NHSL2: variants seen among roughly 807,000 people sequenced by gnomAD.
The protein encoded by NHSL2 is NHS like 2.
A neutral mutation model predicts 53.4 loss-of-function variants in NHSL2; 27 were observed. The observed-to-expected ratio is 0.51, with a 90% CI of 0.37 to 0.70. NHSL2 has a LOEUF of 0.70. Among genes scored for constraint, NHSL2 ranks in the 30% least tolerant of loss-of-function variants. The probability of loss-of-function intolerance (pLI) is 0.00; values close to 1 mark genes in which losing one functional copy is unlikely to be tolerated. For missense variants in NHSL2, 892 were observed against 980.1 expected (o/e 0.91, Z 1.20); for synonymous variants, 408 against 404.1 (o/e 1.01, Z -0.12).
intron 1 of NHSL2, among the ~76,000 whole-genome samples, chrX:71,921,085 G>A (rs2041655807): frequency 9.1e-6 from 1 of 109,312 alleles, no homozygotes; most frequent in Non-Finnish European, 1.9e-5. Context: ...TTGCAGGCGT[G>A]AGCCACCGTT....
intron 1 of NHSL2, among the ~76,000 whole-genome samples, chrX:72,116,787 A>AGGGGGT (rs71734905): frequency 0.55 from 59,951 of 108,961 alleles, 15,545 homozygotes; most frequent in Non-Finnish European, 0.78. Flanking sequence ...GAGGACAGCT[A>AGGGGGT]GGGGGTGCTC....
At chrX:71,942,339 C>CT (rs2041770216) in intron 1 of NHSL2, among the ~76,000 whole-genome samples, 1 of 111,893 alleles carries the variant, frequency 8.9e-6, no homozygotes, top group Non-Finnish European at 1.9e-5. Flanking sequence ...GGTAAAGATT[C>CT]TTTTTCCCCT....
chrX:72,103,543 T>G (rs777876449), intron 1 of NHSL2, among the ~76,000 whole-genome samples: 1 of 110,774 alleles, frequency 9.0e-6, no homozygotes, highest in Non-Finnish European at 1.9e-5. Flanking sequence ...GCTGGATGAG[T>G]CCCAGGTCCA....
intron 1 of NHSL2, among the ~76,000 whole-genome samples, chrX:71,920,181 G>T (rs751663010): frequency 3.6e-5 from 4 of 112,009 alleles, no homozygotes; most frequent in Non-Finnish European, 7.5e-5. Context: ...GTGTCTACAA[G>T]ATGCCCTGGC....
intron 1 of NHSL2, among the ~76,000 whole-genome samples, chrX:71,973,857 T>C (rs1348557226): frequency 9.0e-6 from 1 of 111,201 alleles, no homozygotes; most frequent in Non-Finnish European, 1.9e-5. Context: ...CTGGGAGAGA[T>C]GAGACATGCT....
chrX:72,086,141 T>C (rs2041841350), intron 1 of NHSL2, among the ~76,000 whole-genome samples: 1 of 111,947 alleles, frequency 8.9e-6, no homozygotes, highest in Non-Finnish European at 1.9e-5. Flanking sequence ...AGGAGAAAGA[T>C]GTTCCAGCTT....
chrX:72,046,619 T>A (rs1461145664), intron 1 of NHSL2, among the ~76,000 whole-genome samples: 1 of 111,632 alleles, frequency 9.0e-6, no homozygotes, highest in Non-Finnish European at 1.9e-5. Context: ...TGCTGATAAA[T>A]GGGCCATGCC....
chrX:72,095,567 C>T (rs1048405730), intron 1 of NHSL2, among the ~76,000 whole-genome samples: 2 of 112,397 alleles, frequency 1.8e-5, no homozygotes, highest in African/African-American at 3.2e-5. Context: ...ATTGTCCTCC[C>T]GGGCTGGTTG....
At chrX:72,033,433 C>T (rs2042226304) in intron 1 of NHSL2, among the ~76,000 whole-genome samples, 2 of 111,872 alleles carry the variant, frequency 1.8e-5, no homozygotes, top group South Asian at 7.4e-4. Flanking sequence ...GATCCACCCA[C>T]CTTTGGGTCC....
At chrX:72,053,268 C>T (rs1029743814) in intron 1 of NHSL2, among the ~76,000 whole-genome samples, 2 of 111,340 alleles carry the variant, frequency 1.8e-5, no homozygotes, top group Non-Finnish European at 3.8e-5. Context: ...GGGGGCCCAT[C>T]CTCTCACTGG....
intron 7 of NHSL2, 69 bp downstream of exon 7, chrX:72,142,433 T>C (rs1312520181): frequency 1.2e-6 from 1 of 822,577 alleles, no homozygotes; most frequent in Non-Finnish European, 1.7e-6. Flanking sequence ...AAACCTGCTA[T>C]TCCACATTGA....
chrX:71,977,900 A>G (rs2041955832), intron 1 of NHSL2, among the ~76,000 whole-genome samples: 1 of 111,318 alleles, frequency 9.0e-6, no homozygotes, highest in Non-Finnish European at 1.9e-5. Context: ...CCCTTATTAC[A>G]TACTGCTTGC....
chrX:72,065,144 A>G (rs1299639083), intron 1 of NHSL2, among the ~76,000 whole-genome samples: 2 of 111,883 alleles, frequency 1.8e-5, no homozygotes. Context: ...AGGACCAAGC[A>G]TGTGGAGCTT....
intron 1 of NHSL2, among the ~76,000 whole-genome samples, chrX:72,032,244 T>C (rs1308125052): frequency 9.0e-6 from 1 of 110,792 alleles, no homozygotes; most frequent in Non-Finnish European, 1.9e-5. Context: ...AATATAAAAA[T>C]TAGCTGGGCG....
In NHSL2 at chrX:72,131,072, A is replaced by G. The variant is rs775277713; in HGVS notation, c.281-1007A>G. On this transcript the variant is annotated intron_variant, in intron 1 of 7. Transcript: ENST00000633930. ...TCAGCCAGGTAGACTGGGTCTCCTG[A>G]AAAGGGCTCTATCTCAGGCCGCTCC... The G allele has an allele frequency of 5.0e-6, 6 of 1,207,546 alleles. No individual in the cohort carries two copies. The African/African-American group carries it at 7.1e-5, about 14-fold the overall frequency.
chrX:72,093,784 CTTTCTTTCTTTCTTTCAA>C lies in NHSL2; in HGVS notation c.281-38294_281-38277del, dbSNP rs1399210972. Among the ~76,000 whole-genome samples, 4 of 78,413 alleles carry C rather than the reference CTTTCTTTCTTTCTTTCAA, an allele frequency of 5.1e-5. No individual in the cohort carries two copies. The East Asian group carries it at 2.1e-3, about 40-fold the overall frequency. The allele number at this position is 78,413 out of a possible 115,157, so 68.1% of individuals were successfully genotyped here. ...TTTCTTTCTTTCTTTCTTTCTTTTC[CTTTCTTTCTTTCTTTCAA>C]AACCTACTCTTCTCTGTTGCCCAGG... On this transcript the variant is annotated intron_variant, in intron 1 of 7. Coordinates refer to ENST00000633930, the MANE Select transcript of NHSL2 (RefSeq NM_001013627.3).
intron 1 of NHSL2, among the ~76,000 whole-genome samples, chrX:72,039,156 CT>C (rs2042259830): frequency 9.7e-5 from 9 of 92,474 alleles, no homozygotes; most frequent in Non-Finnish European, 1.4e-4. Flanking sequence ...CCTTCCTTGT[CT>C]CTCTTTATTT....
intron 1 of NHSL2, among the ~76,000 whole-genome samples, chrX:71,977,544 C>A (rs1162654969): frequency 9.1e-6 from 1 of 110,162 alleles, no homozygotes; most frequent in East Asian, 2.9e-4. Context: ...ACCTCAGCCC[C>A]CCAGTAGCTG....
chrX:71,962,562 T>A (rs1178286413), intron 1 of NHSL2, among the ~76,000 whole-genome samples: 1 of 109,805 alleles, frequency 9.1e-6, no homozygotes, highest in Non-Finnish European at 1.9e-5. Context: ...AGGAACTTGG[T>A]TCTCTTATAA....
Sources: gnomAD v4.1 joint callset for allele counts (sites outside exome capture counted in the v4.1 genomes callset) on GRCh38, gnomAD v4.1.1 for gene constraint, MANE v1.5 for transcripts, NCBI Gene and HGNC (gene_info 2026-07-23, HGNC 2026-07-21) for gene names.